Variants in ZSWIM6 observed in about 807,000 individuals in gnomAD.
ZSWIM6 encodes the protein zinc finger SWIM-type containing 6.
In ZSWIM6, 9 loss-of-function variants were observed where a neutral mutation model predicts 113.2. That is an observed-to-expected ratio of 0.08 (90% CI 0.05 to 0.14). ZSWIM6 has a LOEUF of 0.14. Among genes scored for constraint, ZSWIM6 ranks in the 10% least tolerant of loss-of-function variants. ZSWIM6 has a pLI of 1.00. For missense variants in ZSWIM6, 1,162 were observed against 1,552.2 expected, an observed-to-expected ratio of 0.75 and a Z score of 4.22; for synonymous variants, 611 against 606.5, an observed-to-expected ratio of 1.01 and a Z score of -0.11.
chr5:61,486,775 T>TA (rs1748031673), intron 2 of ZSWIM6, among the ~76,000 whole-genome samples: 2 of 152,106 alleles, frequency 1.3e-5, no homozygotes, highest in Non-Finnish European at 2.9e-5. Flanking sequence ...TTTGCTCACT[T>TA]TTTAATGGGA....
intron 1 of ZSWIM6, among the ~76,000 whole-genome samples, chr5:61,370,026 A>G (rs1389943913): frequency 1.3e-5 from 2 of 152,336 alleles, no homozygotes; most frequent in East Asian, 3.9e-4. Context: ...TTCCAATTGT[A>G]TTTAGAATTA....
intron 4 of ZSWIM6, among the ~76,000 whole-genome samples, chr5:61,518,493 A>T (rs1023712253): frequency 5.9e-5 from 9 of 152,094 alleles, no homozygotes; most frequent in African/African-American, 2.2e-4. Context: ...AACTGGTGTG[A>T]AATGGTATCT....
chr5:61,402,282 G>T (rs1745953657), intron 1 of ZSWIM6, among the ~76,000 whole-genome samples: 1 of 152,116 alleles, frequency 6.6e-6, no homozygotes, highest in African/African-American at 2.4e-5. Flanking sequence ...TTTAGGGGAA[G>T]GAATGATTCA....
At chr5:61,492,993 A>G (rs1170038221) in intron 3 of ZSWIM6, among the ~76,000 whole-genome samples, 1 of 152,088 alleles carries the variant, frequency 6.6e-6, no homozygotes, top group Non-Finnish European at 1.5e-5. Flanking sequence ...TACTTATTGA[A>G]TACATAGCAG....
At chr5:61,434,358 T>A (rs1464904505) in intron 1 of ZSWIM6, among the ~76,000 whole-genome samples, 2 of 151,886 alleles carry the variant, frequency 1.3e-5, no homozygotes, top group Non-Finnish European at 2.9e-5. Flanking sequence ...GGAGAAGTTC[T>A]TTAGTGGTGA....
intron 4 of ZSWIM6, among the ~76,000 whole-genome samples, chr5:61,508,602 C>A (rs1748692487): frequency 6.6e-6 from 1 of 152,096 alleles, no homozygotes; most frequent in South Asian, 2.1e-4. Context: ...TTAAAGATGG[C>A]CACAGATTCT....
At chr5:61,519,072 CT>C (rs1374930435) in intron 4 of ZSWIM6, among the ~76,000 whole-genome samples, 1 of 152,150 alleles carries the variant, frequency 6.6e-6, no homozygotes, top group Admixed American at 6.6e-5. Flanking sequence ...TTGTTTTTCT[CT>C]TTCCCCATTG....
chr5:61,488,283 A>G (rs541499653), intron 2 of ZSWIM6, among the ~76,000 whole-genome samples: 3 of 151,848 alleles, frequency 2.0e-5, no homozygotes, highest in South Asian at 2.1e-4. Context: ...AAGGAGTTCT[A>G]TGTCTGTGTT....
At chr5:61,353,460 G>A (rs918091072) in intron 1 of ZSWIM6, among the ~76,000 whole-genome samples, 1 of 151,974 alleles carries the variant, frequency 6.6e-6, no homozygotes, top group Non-Finnish European at 1.5e-5. Context: ...GTGGGATCAT[G>A]TTGTACTTTG....
chr5:61,527,800 T>C (rs1435647546), intron 7 of ZSWIM6, among the ~76,000 whole-genome samples: 1 of 152,226 alleles, frequency 6.6e-6, no homozygotes. Context: ...TTATACATTT[T>C]ATGAATAAAT....
At chr5:61,404,410 G>A (rs750206127) in intron 1 of ZSWIM6, among the ~76,000 whole-genome samples, 5 of 152,070 alleles carry the variant, frequency 3.3e-5, no homozygotes, top group Non-Finnish European at 5.9e-5. Context: ...GGCTGCCATC[G>A]CCCTCTTGAA....
In ZSWIM6 at chr5:61,429,095, C is replaced by T. The variant is rs193015085; in HGVS notation, c.677-43586C>T. On this transcript the variant is annotated intron_variant, in intron 1 of 13. Coordinates refer to ENST00000252744, the MANE Select transcript of ZSWIM6 (RefSeq NM_020928.2). Reference sequence around the variant, plus strand: ...ATGGCAGGGAAACCTCAATTTAAAACGAAACCTCTGTGTGTTGGGGGGACA... The same window carrying T: ...ATGGCAGGGAAACCTCAATTTAAAATGAAACCTCTGTGTGTTGGGGGGACA... Among the ~76,000 whole-genome samples, 134 of 152,256 alleles carry T rather than the reference C, an allele frequency of 8.8e-4. 1 individual carries two copies. The highest frequency in any genetic ancestry group is 6.8e-3 in the Middle Eastern group (2 of 294).
chr5:61,542,019 C>T, intron 13 of ZSWIM6, 54 bp downstream of exon 13: 1 of 1,457,576 alleles, frequency 6.9e-7, no homozygotes, highest in Non-Finnish European at 9.4e-7. Context: ...TAGGATTTAA[C>T]TTGTCAGTTA....
At chr5:61,396,204 G>A (rs968452202) in intron 1 of ZSWIM6, among the ~76,000 whole-genome samples, 6 of 152,050 alleles carry the variant, frequency 3.9e-5, no homozygotes, top group East Asian at 3.8e-4. Flanking sequence ...CCAGCAACAC[G>A]TAACCTTCCT....
At chr5:61,502,308 T>C (rs1748491923) in intron 4 of ZSWIM6, among the ~76,000 whole-genome samples, 1 of 152,154 alleles carries the variant, frequency 6.6e-6, no homozygotes, top group South Asian at 2.1e-4. Flanking sequence ...TTATACATGC[T>C]ATCATAGTTA....
rs962150636 is a variant in ZSWIM6, at chr5:61,544,443, T to C, written c.*126T>C. ...CACCGGTATTATATGTGTATAGTTA[T>C]ATTGCGTTTGCAGACTAAATTGTCA... On this transcript the variant is annotated 3_prime_UTR_variant, in exon 14 of 14. Coordinates refer to ENST00000252744, the MANE Select transcript of ZSWIM6 (RefSeq NM_020928.2). The C allele has an allele frequency of 9.6e-6, 5 of 523,536 alleles. No individual in the cohort carries two copies. The South Asian group carries it at 1.8e-4, about 19-fold the overall frequency. 32.4% of individuals were successfully genotyped at this position (523,536 alleles called of 1,614,324 possible). A position where few individuals can be genotyped will look rare whatever the true frequency, so the allele number is the denominator to read the frequency against.
intron 1 of ZSWIM6, among the ~76,000 whole-genome samples, chr5:61,407,594 C>T (rs1475973476): frequency 1.3e-5 from 2 of 152,040 alleles, no homozygotes; most frequent in African/African-American, 2.4e-5. Flanking sequence ...AAGTGTCATA[C>T]ACAAAACACT....
chr5:61,480,954 C>T (rs770689738), intron 2 of ZSWIM6, among the ~76,000 whole-genome samples: 15 of 152,128 alleles, frequency 9.9e-5, no homozygotes, highest in Non-Finnish European at 1.9e-4. Flanking sequence ...GAATTAATCA[C>T]CTCTGCAGTG....
chr5:61,346,006 G>T (rs182038509), intron 1 of ZSWIM6, among the ~76,000 whole-genome samples: 9 of 152,072 alleles, frequency 5.9e-5, no homozygotes, highest in Non-Finnish European at 1.3e-4. Flanking sequence ...GTGCAGTGGC[G>T]CGATCTCAGC....
Sources: allele counts gnomAD v4.1 joint callset (sites outside exome capture counted in the v4.1 genomes callset), GRCh38; gene constraint gnomAD v4.1.1; transcripts MANE v1.5; gene names NCBI Gene and HGNC (gene_info 2026-07-23, HGNC 2026-07-21).